BIRC6: variants seen among roughly 807,000 people sequenced by gnomAD.
BIRC6 encodes baculoviral IAP repeat containing 6.
Under a neutral mutation model 503.3 loss-of-function variants are expected in BIRC6, and 98 were observed. That is an observed-to-expected ratio of 0.19 (90% CI 0.17 to 0.23). The LOEUF (loss-of-function observed/expected upper bound fraction) is 0.23, where lower values mean the gene tolerates loss of function less well. BIRC6 is among the 10% of genes least tolerant of loss of function. The pLI, the probability that BIRC6 is intolerant of heterozygous loss-of-function variation, is 1.00. For missense variants in BIRC6, 5,360 were observed against 5,806.0 expected, an observed-to-expected ratio of 0.92 and a Z score of 2.50; for synonymous variants, 2,240 against 2,078.7, an observed-to-expected ratio of 1.08 and a Z score of -2.11.
chr2:32,577,023 GC>G (rs111937883), intron 66 of BIRC6, among the ~76,000 whole-genome samples: 4 of 151,064 alleles, frequency 2.6e-5, no homozygotes, highest in Non-Finnish European at 3.0e-5. Flanking sequence ...CTATCTTGTG[GC>G]CCCCCCCAGA....
At chr2:32,385,715 G>A (rs2038350649) in intron 3 of BIRC6, among the ~76,000 whole-genome samples, 1 of 152,194 alleles carries the variant, frequency 6.6e-6, no homozygotes, top group Admixed American at 6.5e-5. Flanking sequence ...TTGCAGTACA[G>A]TCTGGTCTTG....
At chr2:32,487,275 G>T (rs1572563759) in intron 40 of BIRC6, among the ~76,000 whole-genome samples, 1 of 152,192 alleles carries the variant, frequency 6.6e-6, no homozygotes, top group East Asian at 1.9e-4. Flanking sequence ...AAAGATGAAT[G>T]AACTAGAATC....
At chr2:32,456,382 C>T (rs904554717) in intron 23 of BIRC6, among the ~76,000 whole-genome samples, 6 of 152,020 alleles carry the variant, frequency 3.9e-5, no homozygotes, top group African/African-American at 7.2e-5. Context: ...TTCTTTTGTC[C>T]GAATGCAACA....
chr2:32,460,962 A>G (rs1262990728), intron 23 of BIRC6, among the ~76,000 whole-genome samples: 2 of 150,204 alleles, frequency 1.3e-5, no homozygotes, highest in South Asian at 2.1e-4. Flanking sequence ...GGGACTACGC[A>G]TGTTTTATGA....
chr2:32,555,887 G>T (rs1377220573), intron 65 of BIRC6, among the ~76,000 whole-genome samples: 3 of 141,580 alleles, frequency 2.1e-5, no homozygotes, highest in African/African-American at 8.0e-5. Context: ...CTACACTCCA[G>T]CCTGGGTGTC....
intron 73 of BIRC6, among the ~76,000 whole-genome samples, chr2:32,616,159 T>C (rs1183758730): frequency 6.6e-6 from 1 of 152,194 alleles, no homozygotes; most frequent in Non-Finnish European, 1.5e-5. Context: ...CTGGGTGCAG[T>C]TCTTTGTTCT....
chr2:32,537,088 G>A (rs1032920391), intron 61 of BIRC6, among the ~76,000 whole-genome samples: 4 of 152,108 alleles, frequency 2.6e-5, no homozygotes, highest in East Asian at 1.9e-4. Context: ...ATAAGAATGC[G>A]TGTGATTTTT....
In BIRC6 at chr2:32,529,883, C is replaced by G. The variant is rs1043369406; in HGVS notation, c.12094+59C>G. On this transcript the variant is annotated intron_variant, in intron 60 of 73. Transcript: ENST00000421745. ...CTGTCATACAAAGAGGCAGAGATTTCTATAGCTAATGACTTAATTGACTTG... is the reference window on the plus strand; with the variant it reads ...CTGTCATACAAAGAGGCAGAGATTTGTATAGCTAATGACTTAATTGACTTG... The G allele has an allele frequency of 3.7e-5, 41 of 1,119,098 alleles. No individual in the cohort carries two copies. In the Admixed American group the frequency reaches 6.8e-4, roughly 19 times the overall value. The allele number at this position is 1,119,098 out of a possible 1,614,324, so 69.3% of individuals were successfully genotyped here. A position where few individuals can be genotyped will look rare whatever the true frequency, so the allele number is the denominator to read the frequency against.
At chr2:32,440,770 T>TTATTATTATTATTATTAC (rs2045345245) in intron 16 of BIRC6, among the ~76,000 whole-genome samples, 1 of 150,424 alleles carries the variant, frequency 6.6e-6, no homozygotes, top group Non-Finnish European at 1.5e-5. Context: ...ATTATTATTA[T>TTATTATTATTATTATTAC]TATTATTATT....
At chr2:32,574,319 T>C (rs1313792135) in intron 65 of BIRC6, among the ~76,000 whole-genome samples, 1 of 151,986 alleles carries the variant, frequency 6.6e-6, no homozygotes, top group African/African-American at 2.4e-5. Flanking sequence ...AGTTTTACCA[T>C]GTTGCCCAGG....
At chr2:32,465,204 T>TG in intron 26 of BIRC6, 40 bp downstream of exon 26, 1 of 1,010,800 alleles carries the variant, frequency 9.9e-7, no homozygotes, top group South Asian at 1.8e-5. Context: ...TTTTTTTTTT[T>TG]GCTTAGTCTG....
chr2:32,383,397 T>A (rs997187317), intron 3 of BIRC6, among the ~76,000 whole-genome samples: 1 of 152,198 alleles, frequency 6.6e-6, no homozygotes, highest in African/African-American at 2.4e-5. Context: ...CAAGAAGATA[T>A]CTAATTTCTT....
intron 55 of BIRC6, among the ~76,000 whole-genome samples, chr2:32,516,167 A>T (rs955122033): frequency 6.6e-6 from 1 of 152,338 alleles, no homozygotes; most frequent in East Asian, 1.9e-4. Context: ...TTCTCTTTAC[A>T]TGGGCATTAG....
intron 73 of BIRC6, among the ~76,000 whole-genome samples, chr2:32,614,125 G>T (rs1291264537): frequency 1.3e-5 from 2 of 152,056 alleles, no homozygotes; most frequent in African/African-American, 4.8e-5. Context: ...ATTTTTCTCT[G>T]TCTTAGAATC....
intron 72 of BIRC6, among the ~76,000 whole-genome samples, chr2:32,610,400 G>A (rs985136652): frequency 2.0e-5 from 3 of 152,150 alleles, no homozygotes; most frequent in African/African-American, 7.2e-5. Context: ...AATCGCAAAT[G>A]TAAATCACAG....
intron 63 of BIRC6, among the ~76,000 whole-genome samples, chr2:32,546,953 C>G (rs1486756421): frequency 6.6e-6 from 1 of 152,118 alleles, no homozygotes; most frequent in Non-Finnish European, 1.5e-5. Context: ...GTGGCTCACA[C>G]CTATATTCCT....
At chr2:32,405,402 T>C (rs781431080) in intron 8 of BIRC6, among the ~76,000 whole-genome samples, 3 of 152,218 alleles carry the variant, frequency 2.0e-5, no homozygotes, top group Admixed American at 2.0e-4. Flanking sequence ...TTTTCAAAAA[T>C]ATATAAGTGA....
chr2:32,556,102 T>C (rs1415034124), intron 65 of BIRC6, among the ~76,000 whole-genome samples: 1 of 152,214 alleles, frequency 6.6e-6, no homozygotes, highest in Non-Finnish European at 1.5e-5. Flanking sequence ...GGCATGTTGA[T>C]AGCGACTCAG....
chr2:32,388,979 G>C, intron 4 of BIRC6, 36 bp downstream of exon 4: 1 of 1,261,912 alleles, frequency 7.9e-7, no homozygotes, highest in Non-Finnish European at 1.0e-6. Flanking sequence ...CAGTGAGATA[G>C]AATTGATTAG....
Sources: gnomAD v4.1 joint callset for allele counts (sites outside exome capture counted in the v4.1 genomes callset) on GRCh38, gnomAD v4.1.1 for gene constraint, MANE v1.5 for transcripts, NCBI Gene and HGNC (gene_info 2026-07-23, HGNC 2026-07-21) for gene names.